BTG4: variants seen among roughly 807,000 people sequenced by gnomAD.
BTG4 encodes protein BTG4.
Under a neutral mutation model 19.3 loss-of-function variants are expected in BTG4, and 10 were observed. The observed-to-expected ratio is 0.52, with a 90% CI of 0.32 to 0.88. The LOEUF is 0.88. Ranked by LOEUF, BTG4 falls within the 40% of genes least tolerant of loss-of-function variation. The probability of loss-of-function intolerance (pLI) is 0.04; values close to 1 mark genes in which losing one functional copy is unlikely to be tolerated. For missense variants in BTG4, 238 were observed against 281.9 expected (o/e 0.84, Z 1.11); for synonymous variants, 91 against 95.7 (o/e 0.95, Z 0.29).
downstream of BTG4, among the ~76,000 whole-genome samples, chr11:111,489,869 G>T (rs962628258): frequency 1.1e-4 from 17 of 152,158 alleles, no homozygotes; most frequent in African/African-American, 4.1e-4. Context: ...GAGGGGTTGG[G>T]TGAGTGGGGA....
At chr11:111,485,049 C>T (rs1459370098) in intron 5 of BTG4, among the ~76,000 whole-genome samples, 1 of 152,052 alleles carries the variant, frequency 6.6e-6, no homozygotes, top group African/African-American at 2.4e-5. Flanking sequence ...GGGGTCAATT[C>T]AACAAAAGCA....
At chr11:111,423,739 C>G in the BTG4 span, among the ~76,000 whole-genome samples, 4 of 152,256 alleles carry the variant, frequency 2.6e-5, no homozygotes, top group African/African-American at 9.6e-5. Flanking sequence ...ATAGATATCA[C>G]CATCAGATGA....
chr11:111,402,952 T>C, the BTG4 span, among the ~76,000 whole-genome samples: 1 of 152,166 alleles, frequency 6.6e-6, no homozygotes, highest in Non-Finnish European at 1.5e-5. Context: ...AGAATTTCAA[T>C]GGAACTGATC....
chr11:111,504,793 AC>A (rs1246224390), intron 1 of BTG4, among the ~76,000 whole-genome samples: 1 of 152,080 alleles, frequency 6.6e-6, no homozygotes, highest in African/African-American at 2.4e-5. Context: ...AAATCAATGT[AC>A]AAAAATCAGT....
At chr11:111,510,566 AGG>A (rs1430589352) in intron 1 of BTG4, among the ~76,000 whole-genome samples, 5 of 152,194 alleles carry the variant, frequency 3.3e-5, no homozygotes, top group Non-Finnish European at 7.3e-5. Flanking sequence ...TGAACCATAA[AGG>A]GAATGAGATC....
chr11:111,451,689 G>A, the BTG4 span, among the ~76,000 whole-genome samples: 7 of 152,234 alleles, frequency 4.6e-5, no homozygotes, highest in East Asian at 1.9e-4. Context: ...GCTTGAACCC[G>A]GGAGGTGGAG....
At chr11:111,384,303 A>G in the BTG4 span, among the ~76,000 whole-genome samples, 1 of 152,054 alleles carries the variant, frequency 6.6e-6, no homozygotes, top group Non-Finnish European at 1.5e-5. Context: ...CAGAAATGAC[A>G]AATTCCTAAA....
At chr11:111,428,805 A>C in the BTG4 span, among the ~76,000 whole-genome samples, 1 of 152,190 alleles carries the variant, frequency 6.6e-6, no homozygotes, top group Non-Finnish European at 1.5e-5. Flanking sequence ...GAATTTCTGC[A>C]AGGCTCTTCA....
At chr11:111,440,556 G>A in the BTG4 span, among the ~76,000 whole-genome samples, 4 of 152,110 alleles carry the variant, frequency 2.6e-5, no homozygotes, top group East Asian at 5.8e-4. Context: ...ACCCCTGGGC[G>A]GTGTCCCCAT....
intron 5 of BTG4, among the ~76,000 whole-genome samples, chr11:111,479,040 C>T (rs611607): frequency 0.51 from 77,067 of 151,808 alleles, 22,655 homozygotes; most frequent in South Asian, 0.72. Context: ...ACAGGAAAAC[C>T]CAAAGAACTC....
chr11:111,396,325 A>T, the BTG4 span, among the ~76,000 whole-genome samples: 1 of 152,158 alleles, frequency 6.6e-6, no homozygotes, highest in Non-Finnish European at 1.5e-5. Context: ...AGCCAGGGTT[A>T]TGGAAGGCCC....
chr11:111,480,624 G>A (rs1257440885), intron 5 of BTG4, among the ~76,000 whole-genome samples: 2 of 151,532 alleles, frequency 1.3e-5, no homozygotes, highest in Non-Finnish European at 2.9e-5. Flanking sequence ...AACCAGAACA[G>A]AACCAAATTA....
intron 5 of BTG4, among the ~76,000 whole-genome samples, chr11:111,474,166 T>C (rs1038203792): frequency 6.6e-6 from 1 of 152,162 alleles, no homozygotes; most frequent in Non-Finnish European, 1.5e-5. Flanking sequence ...TTAAAGTTAT[T>C]GCCAGTGTCT....
At chr11:111,501,480 G>A (rs1160853656) in intron 1 of BTG4, among the ~76,000 whole-genome samples, 1 of 152,162 alleles carries the variant, frequency 6.6e-6, no homozygotes, top group Non-Finnish European at 1.5e-5. Context: ...TATAAGAAAT[G>A]TAAGTATAAG....
the BTG4 span, chr11:111,397,701 T>G: frequency 6.6e-6 from 1 of 152,244 alleles, no homozygotes; most frequent in African/African-American, 2.4e-5. Context: ...TTTTCCTTCT[T>G]ACATCCTGAG....
At chr11:111,395,018 T>C in the BTG4 span, among the ~76,000 whole-genome samples, 3 of 152,188 alleles carry the variant, frequency 2.0e-5, no homozygotes, top group Non-Finnish European at 4.4e-5. Flanking sequence ...GGCTCCTGGA[T>C]AGTGAGTCCA....
chr11:111,502,086 C>T (rs1044616539), intron 1 of BTG4, among the ~76,000 whole-genome samples: 3 of 152,094 alleles, frequency 2.0e-5, no homozygotes, highest in Non-Finnish European at 4.4e-5. Flanking sequence ...TTGGAATCAC[C>T]TGAAGATCTT....
chr11:111,482,292 C>T (rs1864788078), intron 5 of BTG4, among the ~76,000 whole-genome samples: 1 of 151,992 alleles, frequency 6.6e-6, no homozygotes, highest in Non-Finnish European at 1.5e-5. Flanking sequence ...GTATAACACA[C>T]ACACACGAAG....
At chr11:111,388,939 C>G in the BTG4 span, among the ~76,000 whole-genome samples, 2 of 152,238 alleles carry the variant, frequency 1.3e-5, no homozygotes, top group Non-Finnish European at 2.9e-5. Context: ...CCTCCTCTTC[C>G]TCTTCCTGAA....
Sources: allele counts gnomAD v4.1 joint callset (sites outside exome capture counted in the v4.1 genomes callset), GRCh38; gene constraint gnomAD v4.1.1; transcripts MANE v1.5; gene names NCBI Gene and HGNC (gene_info 2026-07-23, HGNC 2026-07-21).